The following UBE2G1 variants were observed in gnomAD, a reference collection of about 807,000 sequenced individuals.
UBE2G1 encodes ubiquitin conjugating enzyme E2 G1.
UBE2G1 carries 5 observed loss-of-function variants against 22.7 expected under a neutral mutation model. That is an observed-to-expected ratio of 0.22 (90% CI 0.12 to 0.46). The LOEUF is 0.46. Among genes scored for constraint, UBE2G1 ranks in the 20% least tolerant of loss-of-function variants. The probability of loss-of-function intolerance (pLI) is 0.99; values close to 1 mark genes in which losing one functional copy is unlikely to be tolerated. For missense variants in UBE2G1, 88 were observed against 203.9 expected (o/e 0.43, Z 3.46); for synonymous variants, 74 against 67.5 (o/e 1.10, Z -0.47).
intron 1 of UBE2G1, among the ~76,000 whole-genome samples, chr17:4,328,934 G>A (rs920453500): frequency 9.3e-5 from 14 of 150,834 alleles, no homozygotes; most frequent in Non-Finnish European, 2.1e-4. Flanking sequence ...AAAATACAAA[G>A]AATTAGCCAA....
chr17:4,350,824 A>T (rs1282108400), intron 1 of UBE2G1, among the ~76,000 whole-genome samples: 1 of 151,974 alleles, frequency 6.6e-6, no homozygotes, highest in East Asian at 1.9e-4. Context: ...CGAGGTCAGG[A>T]GGTCGAGACC....
Position 4,269,738 on chromosome 17 carries a change from T to C in UBE2G1, c.*2816A>G, listed in dbSNP as rs1473159613. On this transcript the variant is annotated 3_prime_UTR_variant, in exon 6 of 6. Transcript: ENST00000396981. ...ATACAAGCACAGACTGAAATCTATA[T>C]GCCTCTACGAGAACTTGGAATAAAT... 5.4e-6 allele frequency: 1 copy of C among 186,228 alleles called. No homozygotes were observed. The highest frequency in any genetic ancestry group is 1.1e-5 in the Non-Finnish European group (1 of 88,778). 11.5% of individuals were successfully genotyped at this position (186,228 alleles called of 1,614,324 possible). A position where few individuals can be genotyped will look rare whatever the true frequency, so the allele number is the denominator to read the frequency against.
chr17:4,277,397 C>G (rs1396425887), intron 5 of UBE2G1, among the ~76,000 whole-genome samples: 1 of 152,234 alleles, frequency 6.6e-6, no homozygotes, highest in Non-Finnish European at 1.5e-5. Flanking sequence ...TACAGTCCCT[C>G]TAGCCTTGGT....
intron 1 of UBE2G1, among the ~76,000 whole-genome samples, chr17:4,322,345 T>C (rs1381724734): frequency 6.6e-6 from 1 of 152,248 alleles, no homozygotes; most frequent in Non-Finnish European, 1.5e-5. Flanking sequence ...TGTGATCTGC[T>C]GACACTAACT....
chr17:4,286,330 G>A (rs148126796), intron 4 of UBE2G1, among the ~76,000 whole-genome samples: 320 of 151,602 alleles, frequency 2.1e-3, no homozygotes, highest in African/African-American at 7.2e-3. Flanking sequence ...ACTTGAACCC[G>A]GGAGGTGGAG....
chr17:4,356,250 C>T (rs1398025237), intron 1 of UBE2G1, among the ~76,000 whole-genome samples: 5 of 150,920 alleles, frequency 3.3e-5, no homozygotes, highest in African/African-American at 1.2e-4. Flanking sequence ...CCCAGCTACT[C>T]GGGAGGCTGA....
chr17:4,293,319 ATTTC>A (rs1969066587), intron 3 of UBE2G1, among the ~76,000 whole-genome samples: 1 of 152,026 alleles, frequency 6.6e-6, no homozygotes, highest in South Asian at 2.1e-4. Context: ...TCACTACTTC[ATTTC>A]TTTCTTTTCT....
intron 1 of UBE2G1, among the ~76,000 whole-genome samples, chr17:4,340,589 C>T (rs1232705552): frequency 1.3e-5 from 2 of 152,162 alleles, no homozygotes; most frequent in African/African-American, 4.8e-5. Flanking sequence ...CACTGCACTT[C>T]TCTCTCCTGC....
At chr17:4,288,426 C>T (rs1598181260) in intron 4 of UBE2G1, among the ~76,000 whole-genome samples, 1 of 152,076 alleles carries the variant, frequency 6.6e-6, no homozygotes, top group South Asian at 2.1e-4. Flanking sequence ...CGGGGTTTCA[C>T]CGTGTTAGCC....
chr17:4,281,119 T>C (rs1320813773), intron 5 of UBE2G1, among the ~76,000 whole-genome samples: 1 of 152,024 alleles, frequency 6.6e-6, no homozygotes, highest in Non-Finnish European at 1.5e-5. Context: ...CCACCCTCTA[T>C]AACAGAAAAA....
chr17:4,335,841 T>C (rs1969639464), intron 1 of UBE2G1, among the ~76,000 whole-genome samples: 2 of 152,030 alleles, frequency 1.3e-5, no homozygotes. Context: ...AAACAAACCA[T>C]GTAGTTTAAA....
At chr17:4,319,875 CAGAA>C (rs1462194315) in intron 1 of UBE2G1, among the ~76,000 whole-genome samples, 1 of 152,048 alleles carries the variant, frequency 6.6e-6, no homozygotes, top group East Asian at 1.9e-4. Context: ...AATTCAGTAA[CAGAA>C]AAACGCAGGT....
chr17:4,330,976 C>CCACACACACACACA (rs57051928), intron 1 of UBE2G1, among the ~76,000 whole-genome samples: 5,955 of 143,572 alleles, frequency 0.041, 270 homozygotes, highest in African/African-American at 0.11. Context: ...ACCTTTAAAA[C>CCACACACACACACA]CACACACACA....
chr17:4,346,686 G>A (rs192425143), intron 1 of UBE2G1, among the ~76,000 whole-genome samples: 19 of 150,588 alleles, frequency 1.3e-4, no homozygotes, highest in Admixed American at 4.0e-4. Flanking sequence ...CACCCGCCTC[G>A]GCCTCCCAAA....
At chr17:4,338,400 T>A (rs1200748803) in intron 1 of UBE2G1, among the ~76,000 whole-genome samples, 3 of 152,184 alleles carry the variant, frequency 2.0e-5, no homozygotes, top group African/African-American at 7.2e-5. Flanking sequence ...AAATATAAAT[T>A]GTCAAAAGCA....
At chr17:4,327,737 C>T (rs1389004229) in intron 1 of UBE2G1, among the ~76,000 whole-genome samples, 1 of 152,136 alleles carries the variant, frequency 6.6e-6, no homozygotes, top group Non-Finnish European at 1.5e-5. Context: ...GTGGCAGGTC[C>T]TAAAATACAG....
At chr17:4,279,723 C>T (rs997621178) in intron 5 of UBE2G1, among the ~76,000 whole-genome samples, 19 of 130,510 alleles carry the variant, frequency 1.5e-4, no homozygotes, top group Admixed American at 4.7e-4. Flanking sequence ...TGCAGTGAGC[C>T]GAGATTGCAC....
chr17:4,364,212 C>G (rs1028081662), intron 1 of UBE2G1: 11 of 141,998 alleles, frequency 7.7e-5, no homozygotes, highest in Non-Finnish European at 1.4e-4. Context: ...TGCAGTGAGC[C>G]GAGATCGCGC....
intron 5 of UBE2G1, among the ~76,000 whole-genome samples, chr17:4,272,751 A>G (rs1280898414): frequency 1.3e-5 from 2 of 152,206 alleles, no homozygotes; most frequent in African/African-American, 4.8e-5. Context: ...CATGCTAAGC[A>G]CATTTCACGT....
Sources: allele counts gnomAD v4.1 joint callset (sites outside exome capture counted in the v4.1 genomes callset), GRCh38; gene constraint gnomAD v4.1.1; transcripts MANE v1.5; gene names NCBI Gene and HGNC (gene_info 2026-07-23, HGNC 2026-07-21).